The following SLC16A12 variants were observed in gnomAD, a reference collection of about 807,000 sequenced individuals.
The protein encoded by SLC16A12 is monocarboxylate transporter 12.
In SLC16A12, 17 loss-of-function variants were observed where a neutral mutation model predicts 42.4. The observed-to-expected ratio is 0.40, with a 90% CI of 0.27 to 0.60. The LOEUF (loss-of-function observed/expected upper bound fraction) is 0.60, where lower values mean the gene tolerates loss of function less well. Among genes scored for constraint, SLC16A12 ranks in the 20% least tolerant of loss-of-function variants. The probability of loss-of-function intolerance (pLI) is 0.42; values close to 1 mark genes in which losing one functional copy is unlikely to be tolerated. For missense variants in SLC16A12, 544 were observed against 623.0 expected (o/e 0.87, Z 1.35); for synonymous variants, 224 against 229.4 (o/e 0.98, Z 0.21).
chr10:89,517,679 G>A (rs1279915933), intron 2 of SLC16A12, among the ~76,000 whole-genome samples: 1 of 152,112 alleles, frequency 6.6e-6, no homozygotes, highest in South Asian at 2.1e-4. Context: ...GCATCTCTGA[G>A]AAATAATGAA....
At chr10:89,483,143 G>C (rs1842692820) in intron 2 of SLC16A12, among the ~76,000 whole-genome samples, 1 of 152,150 alleles carries the variant, frequency 6.6e-6, no homozygotes, top group African/African-American at 2.4e-5. Context: ...CCTTTCTTGA[G>C]TGCATGTGCA....
chr10:89,456,872 G>A (rs1318324139), intron 3 of SLC16A12, among the ~76,000 whole-genome samples: 1 of 152,014 alleles, frequency 6.6e-6, no homozygotes, highest in Non-Finnish European at 1.5e-5. Context: ...CCCTGCAAAG[G>A]ACATGATCTT....
intron 2 of SLC16A12, among the ~76,000 whole-genome samples, chr10:89,552,637 C>T (rs1428460716): frequency 1.3e-5 from 2 of 152,134 alleles, no homozygotes; most frequent in East Asian, 3.9e-4. Context: ...TCCAGCTAAG[C>T]CAATTCAACT....
Position 89,431,456 on chromosome 10 carries a change from T to C in SLC16A12, c.*1608A>G, listed in dbSNP as rs1841693737. 1 of 152,300 alleles carries C rather than the reference T, an allele frequency of 6.6e-6. No homozygotes were observed. The highest frequency in any genetic ancestry group is 1.5e-5 in the Non-Finnish European group (1 of 68,064). 9.4% of individuals were successfully genotyped at this position (152,300 alleles called of 1,614,324 possible). ...ATCAGATCAAGTCAGTATTTCATTC[T>C]GAAAGCAATGTATTAACATGTGATT... On this transcript the variant is annotated 3_prime_UTR_variant, in exon 8 of 8. Coordinates refer to ENST00000371790, the MANE Select transcript of SLC16A12 (RefSeq NM_213606.4).
Position 89,450,448 on chromosome 10 carries a change from A to T in SLC16A12, c.201-6589T>A, listed in dbSNP as rs571992164. ...TGCAGCCATAAAAAAGGATGAGTTC[A>T]TGTCGTTTGTAGGGACATGGATGAA... On this transcript the variant is annotated intron_variant, in intron 3 of 7. Coordinates refer to ENST00000371790, the MANE Select transcript of SLC16A12 (RefSeq NM_213606.4). 2.6e-5 allele frequency among the ~76,000 whole-genome samples: 4 copies of T among 152,394 alleles called. No homozygotes were observed. In the South Asian group the frequency reaches 8.3e-4, roughly 32 times the overall value.
chr10:89,518,418 T>G (rs1225816958), intron 2 of SLC16A12, among the ~76,000 whole-genome samples: 4 of 152,078 alleles, frequency 2.6e-5, no homozygotes, highest in Non-Finnish European at 5.9e-5. Flanking sequence ...GTCTGGCTGG[T>G]GACAGGCATA....
At chr10:89,541,366 C>G (rs1843714916) in intron 2 of SLC16A12, among the ~76,000 whole-genome samples, 1 of 151,988 alleles carries the variant, frequency 6.6e-6, no homozygotes, top group African/African-American at 2.4e-5. Context: ...AGGCTAAGAC[C>G]AGAGGATCAC....
At chr10:89,510,915 C>T (rs1193496623) in intron 2 of SLC16A12, among the ~76,000 whole-genome samples, 1 of 152,056 alleles carries the variant, frequency 6.6e-6, no homozygotes, top group Non-Finnish European at 1.5e-5. Context: ...TCAAAATGGG[C>T]CAAGGATATG....
chr10:89,500,270 A>G (rs1589709278), intron 2 of SLC16A12, among the ~76,000 whole-genome samples: 1 of 152,186 alleles, frequency 6.6e-6, no homozygotes, highest in Non-Finnish European at 1.5e-5. Flanking sequence ...GAAATAGGGA[A>G]CCCTCCCTAA....
chr10:89,512,516 C>T (rs1467980942), intron 2 of SLC16A12, among the ~76,000 whole-genome samples: 2 of 152,184 alleles, frequency 1.3e-5, no homozygotes, highest in African/African-American at 4.8e-5. Context: ...TGAAGATTGA[C>T]TTAACCACCA....
chr10:89,438,580 C>A (rs1412599971), intron 6 of SLC16A12, 24 bp downstream of exon 6: 3 of 1,609,102 alleles, frequency 1.9e-6, no homozygotes, highest in Non-Finnish European at 1.7e-6. Context: ...GGTGGGGAAC[C>A]AATTGTGGTT....
chr10:89,450,847 T>A (rs1031494657), intron 3 of SLC16A12, among the ~76,000 whole-genome samples: 13 of 152,248 alleles, frequency 8.5e-5, no homozygotes, highest in African/African-American at 3.1e-4. Context: ...TATTTTAATC[T>A]TTATAGAGCA....
At chr10:89,434,846 T>C (rs950193610) in intron 7 of SLC16A12, among the ~76,000 whole-genome samples, 4 of 152,224 alleles carry the variant, frequency 2.6e-5, no homozygotes, top group African/African-American at 9.6e-5. Flanking sequence ...TGCAGATTTC[T>C]GGAACTCATC....
At chr10:89,506,835 G>A (rs1843070013) in intron 2 of SLC16A12, among the ~76,000 whole-genome samples, 1 of 152,072 alleles carries the variant, frequency 6.6e-6, no homozygotes. Flanking sequence ...TTGAAAAAAG[G>A]TTGGACGAAT....
chr10:89,477,541 G>T (rs1451670992), intron 2 of SLC16A12, among the ~76,000 whole-genome samples: 1 of 124,920 alleles, frequency 8.0e-6, no homozygotes, highest in African/African-American at 3.1e-5. Flanking sequence ...TTGAGCCTGG[G>T]CAACAAGAGC....
chr10:89,435,951 T>C, intron 7 of SLC16A12, 109 bp downstream of exon 7: 1 of 1,494,764 alleles, frequency 6.7e-7, no homozygotes, highest in Non-Finnish European at 9.2e-7. Context: ...TCTTTCACTC[T>C]TCCCCAACTC....
upstream of SLC16A12, among the ~76,000 whole-genome samples, chr10:89,539,066 G>A (rs1190231799): frequency 1.3e-5 from 2 of 152,182 alleles, no homozygotes; most frequent in Non-Finnish European, 1.5e-5. Context: ...TATAAATTCC[G>A]ATTTTCCTCT....
intron 2 of SLC16A12, among the ~76,000 whole-genome samples, chr10:89,524,742 G>C (rs761868157): frequency 1.3e-5 from 2 of 152,202 alleles, no homozygotes; most frequent in African/African-American, 2.4e-5. Context: ...AGCCTTTGAG[G>C]AAGAACACTG....
intron 2 of SLC16A12, among the ~76,000 whole-genome samples, chr10:89,542,516 C>T (rs1247993045): frequency 1.3e-5 from 2 of 152,072 alleles, no homozygotes; most frequent in Non-Finnish European, 2.9e-5. Context: ...GTTGGCCAGG[C>T]TGGTCTTGAA....
Sources: gnomAD v4.1 joint callset for allele counts (sites outside exome capture counted in the v4.1 genomes callset) on GRCh38, gnomAD v4.1.1 for gene constraint, MANE v1.5 for transcripts, NCBI Gene and HGNC (gene_info 2026-07-23, HGNC 2026-07-21) for gene names.